RABGAP1L: variants seen among roughly 807,000 people sequenced by gnomAD.
The protein encoded by RABGAP1L is rab GTPase-activating protein 1-like.
Under a neutral mutation model 137.7 loss-of-function variants are expected in RABGAP1L, and 63 were observed. The ratio of observed to expected loss-of-function variants is 0.46; its 90% CI spans 0.37 to 0.56. RABGAP1L has a LOEUF of 0.56. RABGAP1L is among the 20% of genes least tolerant of loss of function. The pLI is 0.00. For missense variants in RABGAP1L, 1,095 were observed against 1,244.0 expected, an observed-to-expected ratio of 0.88 and a Z score of 1.80; for synonymous variants, 431 against 433.7, an observed-to-expected ratio of 0.99 and a Z score of 0.08.
chr1:174,400,071 TCAGGGGTGGCAAATATACA>T (rs1648375039), intron 13 of RABGAP1L, among the ~76,000 whole-genome samples: 1 of 152,192 alleles, frequency 6.6e-6, no homozygotes, highest in Non-Finnish European at 1.5e-5. Flanking sequence ...AAGCATTCTT[TCAGGGGTGGCAAATATACA>T]GCCAGCAGGC....
intron 11 of RABGAP1L, among the ~76,000 whole-genome samples, chr1:174,320,599 T>A (rs1232288410): frequency 6.6e-6 from 1 of 152,156 alleles, no homozygotes. Context: ...GAAGATTTCA[T>A]GGACATACAT....
At chr1:174,683,058 GTTTT>G (rs35576869) in intron 14 of RABGAP1L, among the ~76,000 whole-genome samples, 18 of 111,636 alleles carry the variant, frequency 1.6e-4, no homozygotes, top group South Asian at 3.1e-4. Flanking sequence ...TTCTAAAGGG[GTTTT>G]TTTTTTTTTT....
chr1:174,620,413 A>G (rs1426444799), intron 13 of RABGAP1L, among the ~76,000 whole-genome samples: 1 of 152,230 alleles, frequency 6.6e-6, no homozygotes, highest in African/African-American at 2.4e-5. Context: ...ATGTAAAAGA[A>G]CAGAAATTAT....
intron 13 of RABGAP1L, among the ~76,000 whole-genome samples, chr1:174,617,582 T>C (rs1672007675): frequency 6.6e-6 from 1 of 152,204 alleles, no homozygotes; most frequent in African/African-American, 2.4e-5. Flanking sequence ...AACTAAAACC[T>C]TATGTTAATG....
At chr1:174,337,481 C>A (rs887986385) in intron 11 of RABGAP1L, among the ~76,000 whole-genome samples, 1 of 152,096 alleles carries the variant, frequency 6.6e-6, no homozygotes, top group Admixed American at 6.6e-5. Flanking sequence ...TCCACAGAAA[C>A]ATAGAACATT....
At chr1:174,313,184 A>G (rs1473704948) in intron 11 of RABGAP1L, among the ~76,000 whole-genome samples, 2 of 152,074 alleles carry the variant, frequency 1.3e-5, no homozygotes, top group Admixed American at 6.6e-5. Flanking sequence ...TCGGCCTCCC[A>G]AAGTGCTGGG....
At chr1:174,299,384 G>T (rs993500525) in intron 10 of RABGAP1L, among the ~76,000 whole-genome samples, 1 of 152,176 alleles carries the variant, frequency 6.6e-6, no homozygotes, top group Non-Finnish European at 1.5e-5. Context: ...GTAGACAAGG[G>T]TAGGTGGCCA....
chr1:174,174,050 T>C (rs184716414), intron 1 of RABGAP1L, among the ~76,000 whole-genome samples: 25 of 152,338 alleles, frequency 1.6e-4, no homozygotes, highest in African/African-American at 5.3e-4. Flanking sequence ...AGCTTATTTT[T>C]ACTTTATATA....
At chr1:174,616,894 G>A (rs1402012270) in intron 13 of RABGAP1L, among the ~76,000 whole-genome samples, 1 of 152,152 alleles carries the variant, frequency 6.6e-6, no homozygotes. Flanking sequence ...AGCATCTCAC[G>A]TGATTCTTAT....
At chr1:174,947,648 G>A (rs1005392913) in intron 19 of RABGAP1L, among the ~76,000 whole-genome samples, 6 of 152,048 alleles carry the variant, frequency 3.9e-5, no homozygotes, top group African/African-American at 1.4e-4. Context: ...TCAAACTCCC[G>A]ACCTCAGGTG....
At chr1:174,524,557 G>T (rs1479715097) in intron 13 of RABGAP1L, among the ~76,000 whole-genome samples, 1 of 152,036 alleles carries the variant, frequency 6.6e-6, no homozygotes, top group African/African-American at 2.4e-5. Flanking sequence ...CTTGTTGAAT[G>T]AATAGTTTGC....
At chr1:174,733,516 T>G in intron 17 of RABGAP1L, among the ~76,000 whole-genome samples, 1 of 152,264 alleles carries the variant, frequency 6.6e-6, no homozygotes, top group Admixed American at 6.5e-5. Context: ...TCTACTGCAT[T>G]GTGAAACATT....
chr1:174,482,880 A>G (rs1659256203), intron 13 of RABGAP1L, among the ~76,000 whole-genome samples: 1 of 152,208 alleles, frequency 6.6e-6, no homozygotes, highest in Admixed American at 6.5e-5. Flanking sequence ...GGGCTGCTAC[A>G]TAGTAGAAGC....
intron 11 of RABGAP1L, among the ~76,000 whole-genome samples, chr1:174,353,016 C>A (rs1402965677): frequency 6.6e-6 from 1 of 152,132 alleles, no homozygotes; most frequent in Admixed American, 6.5e-5. Context: ...TGGGACTGTT[C>A]TTTATCAGAC....
chr1:174,191,223 T>G (rs1254512730), intron 1 of RABGAP1L, among the ~76,000 whole-genome samples: 2 of 152,224 alleles, frequency 1.3e-5, no homozygotes, highest in African/African-American at 4.8e-5. Context: ...TGTGTGAATT[T>G]TGCATTTCAT....
At chr1:174,847,337 T>A (rs1217588739) in intron 19 of RABGAP1L, among the ~76,000 whole-genome samples, 1 of 151,622 alleles carries the variant, frequency 6.6e-6, no homozygotes, top group Non-Finnish European at 1.5e-5. Flanking sequence ...GGTCTTTACA[T>A]TTTGGCATGA....
chr1:174,522,280 A>T (rs1307849865), intron 13 of RABGAP1L, among the ~76,000 whole-genome samples: 1 of 152,190 alleles, frequency 6.6e-6, no homozygotes, highest in Non-Finnish European at 1.5e-5. Flanking sequence ...TTGCATTGCT[A>T]TAAAGAAATA....
At chr1:174,539,646 T>G (rs1665197671) in intron 13 of RABGAP1L, among the ~76,000 whole-genome samples, 1 of 152,256 alleles carries the variant, frequency 6.6e-6, no homozygotes, top group Non-Finnish European at 1.5e-5. Context: ...GGCTGCATAC[T>G]ATTCCATGGT....
intron 5 of RABGAP1L, among the ~76,000 whole-genome samples, chr1:174,246,757 A>G (rs1010671543): frequency 6.6e-6 from 1 of 152,192 alleles, no homozygotes; most frequent in Non-Finnish European, 1.5e-5. Context: ...GGGGTCCTAG[A>G]AACAATTCCC....
Sources: gnomAD v4.1 joint callset for allele counts (sites outside exome capture counted in the v4.1 genomes callset) on GRCh38, gnomAD v4.1.1 for gene constraint, MANE v1.5 for transcripts, NCBI Gene and HGNC (gene_info 2026-07-23, HGNC 2026-07-21) for gene names.